RBM4: variants seen among roughly 807,000 people sequenced by gnomAD.
The protein encoded by RBM4 is RNA binding motif protein 4, also known as RNA-binding protein 4.
A neutral mutation model predicts 29.5 loss-of-function variants in RBM4; 7 were observed. That is an observed-to-expected ratio of 0.24 (90% CI 0.14 to 0.45). The LOEUF is 0.45. Ranked by LOEUF, RBM4 falls within the 20% of genes least tolerant of loss-of-function variation. The pLI is 1.00. For synonymous variants in RBM4, 220 were observed against 205.4 expected (o/e 1.07, Z -0.61); for missense variants, 387 against 502.3 (o/e 0.77, Z 2.19).
rs1938535110 is a variant in RBM4 at position 66,643,019 on chromosome 11, AG to A, written c.413-428del. On this transcript the variant is annotated intron_variant, in intron 2 of 3. Coordinates refer to ENST00000310092, the MANE Select transcript of RBM4 (RefSeq NM_002896.4). This position sits in a 1 kb window ranked among gnomAD's most constrained non-coding sequence, Gnocchi z 6.1. ...TTCGGTTCTTTTAAATTTTTTGAGG[AG>A]GGTGGAGAACTGGCCTTTACTTATA... 6.6e-6 allele frequency among the ~76,000 whole-genome samples: 1 copy of A among 152,114 alleles called. No individual in the cohort carries two copies. Among genetic ancestry groups the A allele is most frequent in the Non-Finnish European group, 1.5e-5 (1 of 68,002 alleles).
At chr11:66,645,733 A>C (rs1456491602) in intron 3 of RBM4, among the ~76,000 whole-genome samples, 1 of 152,096 alleles carries the variant, frequency 6.6e-6, no homozygotes, top group Non-Finnish European at 1.5e-5. Context: ...ACCTTCTCTG[A>C]GGAATGCTAA....
chr11:66,647,604 C>G (rs1181594117), downstream of RBM4, among the ~76,000 whole-genome samples: 1 of 152,152 alleles, frequency 6.6e-6, no homozygotes, highest in Non-Finnish European at 1.5e-5. Context: ...ACAGACCCAC[C>G]ACTGAACGCC....
intron 2 of RBM4, among the ~76,000 whole-genome samples, chr11:66,659,016 T>C (rs986346618): frequency 2.0e-5 from 3 of 151,368 alleles, no homozygotes; most frequent in African/African-American, 7.3e-5. Context: ...TTTGCACATA[T>C]TGGGTAAAAA....
chr11:66,653,759 T>G (rs768793995), intron 2 of RBM4, among the ~76,000 whole-genome samples: 18 of 152,150 alleles, frequency 1.2e-4, no homozygotes, highest in Non-Finnish European at 2.2e-4. Flanking sequence ...AACAGCAGGC[T>G]ACTAAGTTTT....
chr11:66,657,721 G>T lies in RBM4; in HGVS notation c.413-8135G>T, dbSNP rs953216408. 8.9e-5 allele frequency among the ~76,000 whole-genome samples: 13 copies of T among 146,892 alleles called. 2 individuals are homozygous for T. Among genetic ancestry groups the T allele is most frequent in the Admixed American group, 8.2e-4 (12 of 14,674 alleles). The stretch of plus-strand genomic sequence containing the variant: ...AAAAAAAAAAAAATTATAGGCATGA[G>T]CCACCTCGCCTGCCCCCTCCCCCAC... On this transcript the variant is annotated intron_variant, in intron 2 of 2. Transcript: ENST00000396053.
chr11:66,659,036 AT>A lies in RBM4; in HGVS notation c.413-6809del, dbSNP rs1215583264. Among the ~76,000 whole-genome samples, 1,063 of 147,972 alleles carry A rather than the reference AT, an allele frequency of 7.2e-3. 13 individuals are homozygous for A. The highest frequency in any genetic ancestry group is 0.022 in the African/African-American group (898 of 40,538). On this transcript the variant is annotated intron_variant, in intron 2 of 2. Coordinates refer to the RBM4 transcript ENST00000396053. ...ACATATTGGGTAAAAATACATTAAA[AT>A]TTTTTTTTTTCCTAACCACCAGACT...
chr11:66,649,619 T>C (rs1354334280), downstream of RBM4: 1 of 612,536 alleles, frequency 1.6e-6, no homozygotes, highest in Non-Finnish European at 2.9e-6. Context: ...GTTTTTATGC[T>C]TCCAATCAAG....
downstream of RBM4, chr11:66,649,834 C>G: frequency 1.5e-6 from 1 of 688,840 alleles, no homozygotes; most frequent in Non-Finnish European, 2.6e-6. Context: ...GCCTTGGCCT[C>G]CCAGAGTTTT....
chr11:66,656,640 A>G (rs927985334), intron 2 of RBM4, among the ~76,000 whole-genome samples: 1 of 152,058 alleles, frequency 6.6e-6, no homozygotes, highest in Non-Finnish European at 1.5e-5. Flanking sequence ...CATTGTGACA[A>G]TGTACTTTTT....
chr11:66,668,346 C>A, exon 3 of RBM4: 1 of 397,778 alleles, frequency 2.5e-6, no homozygotes, highest in Non-Finnish European at 4.5e-6. Context: ...CCCAAATATG[C>A]TTACAACTGA....
At chr11:66,653,807 CTT>C (rs1302327004) in intron 2 of RBM4, among the ~76,000 whole-genome samples, 2 of 144,620 alleles carry the variant, frequency 1.4e-5, no homozygotes, top group Non-Finnish European at 3.0e-5. Context: ...TCTTTTTTCT[CTT>C]TTTTTTTTTC....
intron 2 of RBM4, chr11:66,665,844 T>A (rs1482246488): frequency 6.6e-7 from 1 of 1,521,778 alleles, no homozygotes; most frequent in African/African-American, 1.4e-5. Flanking sequence ...ATCTTTCTTA[T>A]CCATCTTTTA....
At chr11:66,654,067 TC>T (rs2135082616) in intron 2 of RBM4, among the ~76,000 whole-genome samples, 1 of 152,232 alleles carries the variant, frequency 6.6e-6, no homozygotes, top group African/African-American at 2.4e-5. Context: ...TGCTCTGTCA[TC>T]CAGGCTAGAG....
At chr11:66,654,881 G>A (rs1038717839) in intron 2 of RBM4, among the ~76,000 whole-genome samples, 1 of 151,806 alleles carries the variant, frequency 6.6e-6, no homozygotes, top group Admixed American at 6.6e-5. Context: ...CTGGAGTCCA[G>A]TGGCGCCATT....
exon 3 of RBM4, chr11:66,666,475 G>A: frequency 1.0e-6 from 1 of 985,578 alleles, no homozygotes; most frequent in Non-Finnish European, 1.2e-6. Context: ...GGGTTATTCA[G>A]TCCATTTGAG....
In RBM4 at chr11:66,643,739, G is replaced by GGCAGCT; in HGVS notation, c.711_716dup (p.Ala238_Ala239dup). 6.2e-7 allele frequency: 1 copy of GGCAGCT among 1,614,046 alleles called. No homozygotes were observed. Among genetic ancestry groups the GGCAGCT allele is most frequent in the Non-Finnish European group, 8.5e-7 (1 of 1,180,008 alleles). The stretch of plus-strand genomic sequence containing the variant: ...GTGCTGCCCGGTCCTATGAGGCAGT[G>GGCAGCT]GCAGCTGCAGCTGCCTCCGTGTATA... On this transcript the variant is annotated inframe_insertion, in exon 3 of 4. Transcript: ENST00000310092. The surrounding 1 kb of genome is among the most constrained non-coding windows in gnomAD (Gnocchi z 6.1).
chr11:66,657,399 T>G (rs1249478450), intron 2 of RBM4, among the ~76,000 whole-genome samples: 1 of 151,974 alleles, frequency 6.6e-6, no homozygotes, highest in African/African-American at 2.4e-5. Flanking sequence ...CTACTAAGAT[T>G]AGGCCGGGCG....
downstream of RBM4, among the ~76,000 whole-genome samples, chr11:66,648,278 T>C: frequency 7.1e-6 from 1 of 140,200 alleles, no homozygotes; most frequent in East Asian, 2.6e-4. Flanking sequence ...CCCAGCACTT[T>C]TGGAGGCTGA....
intron 2 of RBM4, among the ~76,000 whole-genome samples, chr11:66,654,710 GT>G (rs949062649): frequency 2.8e-5 from 4 of 145,292 alleles, no homozygotes; most frequent in Non-Finnish European, 6.0e-5. Context: ...TAGAGGCAAG[GT>G]TTTCCCATTT....
Sources: allele counts gnomAD v4.1 joint callset (sites outside exome capture counted in the v4.1 genomes callset), GRCh38; gene constraint gnomAD v4.1.1; non-coding constraint Gnocchi (gnomAD v3.1); transcripts MANE v1.5; gene names NCBI Gene and HGNC (gene_info 2026-07-23, HGNC 2026-07-21).